SMC6: variants seen among roughly 807,000 people sequenced by gnomAD.
SMC6 encodes the protein structural maintenance of chromosomes protein 6.
SMC6 carries 79 observed loss-of-function variants against 142.2 expected under a neutral mutation model. That is an observed-to-expected ratio of 0.56 (90% confidence interval 0.46 to 0.67). The LOEUF (loss-of-function observed/expected upper bound fraction) is 0.67. Ranked by LOEUF, SMC6 falls within the 30% of genes least tolerant of loss-of-function variation. The pLI is 0.00. For missense variants in SMC6, 1,072 were observed against 1,284.0 expected, an observed-to-expected ratio of 0.83 and a Z score of 2.52; for synonymous variants, 411 against 412.4, an observed-to-expected ratio of 1.00 and a Z score of 0.04.
chr2:17,674,264 T>C (rs1271287594), intron 25 of SMC6, among the ~76,000 whole-genome samples: 1 of 152,224 alleles, frequency 6.6e-6, no homozygotes, highest in Non-Finnish European at 1.5e-5. Context: ...TTTATTGTTG[T>C]TTGATTCAAA....
chr2:17,725,405 C>A, intron 8 of SMC6, 47 bp from the exon 9 acceptor site: 2 of 1,299,914 alleles, frequency 1.5e-6, no homozygotes, highest in Admixed American at 2.5e-5. Context: ...TTGTAAACTT[C>A]CATAGAACTG....
At chr2:17,670,909 T>C (rs1226931081) in intron 25 of SMC6, among the ~76,000 whole-genome samples, 1 of 152,154 alleles carries the variant, frequency 6.6e-6, no homozygotes, top group East Asian at 1.9e-4. Context: ...TGAACCAGGC[T>C]GGAGTGCAAT....
At chr2:17,743,777 C>T (rs1670594951) in intron 3 of SMC6, among the ~76,000 whole-genome samples, 1 of 152,186 alleles carries the variant, frequency 6.6e-6, no homozygotes, top group African/African-American at 2.4e-5. Flanking sequence ...TAGCAACCAA[C>T]CACTGATTTT....
rs186332486 is a variant in SMC6, at chr2:17,708,778, T to C, written c.1731-25A>G. ...TCTAGGAGACAAAAATACAGAAGGA[T>C]TAACTTAGCAAATTTTAATTATAAA... On this transcript the variant is annotated intron_variant, in intron 16 of 27. Transcript: ENST00000448223. 1,158 of 1,239,036 alleles carry C rather than the reference T, an allele frequency of 9.3e-4. 16 individuals carry two copies. In the African/African-American group the frequency reaches 0.016, roughly 17 times the overall value. 76.8% of individuals were successfully genotyped at this position (1,239,036 alleles called of 1,614,324 possible). A position where few individuals can be genotyped will look rare whatever the true frequency, so the allele number is the denominator to read the frequency against.
intron 15 of SMC6, among the ~76,000 whole-genome samples, chr2:17,715,445 A>G (rs931997360): frequency 6.8e-6 from 1 of 147,936 alleles, no homozygotes; most frequent in African/African-American, 2.5e-5. Context: ...ATGGGATGCG[A>G]AAAAAAAAAG....
chr2:17,712,571 C>T (rs1018538027), intron 16 of SMC6, among the ~76,000 whole-genome samples: 1 of 152,180 alleles, frequency 6.6e-6, no homozygotes, highest in South Asian at 2.1e-4. Flanking sequence ...TTTCTGAATA[C>T]TCCTTACGAG....
At chr2:17,711,357 AAGG>A in intron 16 of SMC6, among the ~76,000 whole-genome samples, 1 of 152,312 alleles carries the variant, frequency 6.6e-6, no homozygotes, top group African/African-American at 2.4e-5. Flanking sequence ...GACAGGGGAC[AAGG>A]AGAAGATAAT....
chr2:17,733,621 A>G (rs1670010474), intron 5 of SMC6, among the ~76,000 whole-genome samples: 1 of 152,230 alleles, frequency 6.6e-6, no homozygotes, highest in Non-Finnish European at 1.5e-5. Context: ...TAAAAAATCA[A>G]ATTAAGACAT....
intron 2 of SMC6, among the ~76,000 whole-genome samples, chr2:17,751,488 A>T (rs1338862677): frequency 6.6e-6 from 1 of 151,110 alleles, no homozygotes; most frequent in Non-Finnish European, 1.5e-5. Context: ...AAAAAAGAGG[A>T]AAAAAAAGAA....
intron 17 of SMC6, 63 bp downstream of exon 17, chr2:17,708,576 A>C: frequency 1.2e-6 from 1 of 811,756 alleles, no homozygotes; most frequent in Non-Finnish European, 1.8e-6. Flanking sequence ...AATTTATATA[A>C]TTATCTTCAG....
Position 17,727,807 on chromosome 2 carries a change from T to C in SMC6, c.544-1338A>G, listed in dbSNP as rs1440452261. On this transcript the variant is annotated intron_variant, in intron 7 of 27. Transcript: ENST00000448223. ...ATTGTGTAATTTGTTGGTATACCAATGGTTAAAACATTTCTCTCAAGTACG... is the reference window on the plus strand; with the variant it reads ...ATTGTGTAATTTGTTGGTATACCAACGGTTAAAACATTTCTCTCAAGTACG... Among the ~76,000 whole-genome samples the C allele has an allele frequency of 2.0e-5, 3 of 152,210 alleles. No individual in the cohort carries two copies. In the East Asian group the frequency reaches 5.8e-4, roughly 29 times the overall value.
chr2:17,688,478 T>C (rs1667559869), intron 23 of SMC6, among the ~76,000 whole-genome samples: 1 of 151,946 alleles, frequency 6.6e-6, no homozygotes, highest in Non-Finnish European at 1.5e-5. Context: ...GGTGGGAGGA[T>C]CACTTGAGCC....
chr2:17,707,273 G>T lies in SMC6; in HGVS notation c.1952C>A (p.Ser651Ter). 1 of 1,600,682 alleles carries T rather than the reference G, an allele frequency of 6.2e-7. No individual in the cohort carries two copies. Among genetic ancestry groups the T allele is most frequent in the South Asian group, 1.1e-5 (1 of 88,394 alleles). The change falls in exon 18 of 28, where the codon TCA becomes TAA. Residue 651 changes from serine (S) to a stop codon, truncating the protein, a stop_gained. Transcript: ENST00000448223. LOFTEE classifies it high-confidence loss of function. ...GAACTTAGGTCTTGTATTTTCAGAT[G>T]AATAATAACGTCCTGCAAAAACTTG... ...GDQVFAGRYY[S>*]SENTRPKFLS... is the part of the protein sequence containing the mutation.
intron 9 of SMC6, among the ~76,000 whole-genome samples, chr2:17,724,303 A>C (rs1037543424): frequency 1.3e-5 from 2 of 152,306 alleles, no homozygotes; most frequent in East Asian, 1.9e-4. Flanking sequence ...AAATAAATAT[A>C]CTCATCCTTG....
rs372521042 is a variant in SMC6 at position 17,718,892 on chromosome 2, A to C, written c.946-669T>G. 7.2e-5 allele frequency among the ~76,000 whole-genome samples: 11 copies of C among 152,316 alleles called. No individual in the cohort carries two copies. The East Asian group carries it at 2.1e-3, about 29-fold the overall frequency. ...GACCTAAGTCTGTCTCTTATCTCCT[A>C]AGTCTGCATGTTAGATTACTCTGGA... On this transcript the variant is annotated intron_variant, in intron 11 of 27. Coordinates refer to ENST00000448223, the MANE Select transcript of SMC6 (RefSeq NM_001142286.2).
chr2:17,677,870 A>C (rs1413833690), intron 25 of SMC6, among the ~76,000 whole-genome samples: 3 of 152,178 alleles, frequency 2.0e-5, no homozygotes, highest in African/African-American at 7.2e-5. Context: ...AACAAAAAAG[A>C]TGTTCCAAAA....
chr2:17,740,964 T>C (rs1321366474), intron 4 of SMC6: 2 of 285,694 alleles, frequency 7.0e-6, no homozygotes, highest in Admixed American at 1.0e-4. Flanking sequence ...TAACATGACA[T>C]TCAAGATCCT....
chr2:17,667,814 C>T (rs960037506), intron 26 of SMC6, among the ~76,000 whole-genome samples: 12 of 152,154 alleles, frequency 7.9e-5, no homozygotes, highest in Admixed American at 4.6e-4. Context: ...CACGCCACTG[C>T]ACTCCAGCCT....
intron 9 of SMC6, among the ~76,000 whole-genome samples, chr2:17,723,137 T>G (rs1669455444): frequency 1.3e-5 from 2 of 152,180 alleles, no homozygotes; most frequent in Admixed American, 1.3e-4. Context: ...GCCTCTGTCT[T>G]AACTTTACTT....
Sources: gnomAD v4.1 joint callset for allele counts (sites outside exome capture counted in the v4.1 genomes callset) on GRCh38, gnomAD v4.1.1 for gene constraint, MANE v1.5 for transcripts, NCBI Gene and HGNC (gene_info 2026-07-23, HGNC 2026-07-21) for gene names.